The following IKBKB-DT variants were observed in gnomAD, a reference collection of about 807,000 sequenced individuals.
IKBKB-DT encodes the protein IKBKB divergent transcript.
intron 3 of IKBKB-DT, among the ~76,000 whole-genome samples, chr8:42,234,044 CA>C (rs1281608065): frequency 1.3e-5 from 2 of 152,214 alleles, no homozygotes; most frequent in Non-Finnish European, 2.9e-5. Flanking sequence ...GTCAGTCCTA[CA>C]AAGGCAATGT....
chr8:42,267,009 T>G lies in IKBKB-DT; in HGVS notation n.604-613A>C, dbSNP rs935091510. Among the ~76,000 whole-genome samples the G allele has an allele frequency of 2.7e-5, 4 of 147,412 alleles. No homozygotes were observed. In the East Asian group the frequency reaches 5.8e-4, roughly 21 times the overall value. The stretch of plus-strand genomic sequence containing the variant: ...TTTTTGTTTGTTTTTTTTTTGTTTT[T>G]TTTTTTTTTGAGGTGGAGTCTCGCT... On this transcript the variant is annotated intron_variant and non_coding_transcript_variant, in intron 1 of 3. Coordinates refer to ENST00000518213, the Ensembl canonical transcript of IKBKB-DT.
chr8:42,261,543 T>A lies in IKBKB-DT; in HGVS notation n.1529+1786A>T, dbSNP rs563694302. 3.5e-4 allele frequency among the ~76,000 whole-genome samples: 54 copies of A among 152,330 alleles called. 1 individual carries two copies. The South Asian group carries it at 0.011, about 30-fold the overall frequency. Reference sequence around the variant, plus strand: ...CTGTAGTTCAAGAATGCACAGCCAATCACCAATGTTATTCATAAAAATAAC... The same window carrying A: ...CTGTAGTTCAAGAATGCACAGCCAAACACCAATGTTATTCATAAAAATAAC... On this transcript the variant is annotated intron_variant and non_coding_transcript_variant, in intron 3 of 3. Coordinates refer to ENST00000518213, the Ensembl canonical transcript of IKBKB-DT.
exon 1 of IKBKB-DT, chr8:42,270,755 C>A (rs926168093): frequency 6.6e-6 from 1 of 152,576 alleles, no homozygotes; most frequent in African/African-American, 2.4e-5. Context: ...AGGCTGAGCG[C>A]CTCACGGTTT....
chr8:42,248,063 A>G (rs895567376), intron 3 of IKBKB-DT, among the ~76,000 whole-genome samples: 4 of 151,658 alleles, frequency 2.6e-5, no homozygotes, highest in Non-Finnish European at 5.9e-5. Flanking sequence ...GCTACACTCC[A>G]GCCTGGGCGA....
At chr8:42,264,139 A>G (rs1807335534) in intron 2 of IKBKB-DT, among the ~76,000 whole-genome samples, 1 of 150,264 alleles carries the variant, frequency 6.7e-6, no homozygotes, top group East Asian at 1.9e-4. Context: ...ATTTAAGTAT[A>G]CATAGATAAT....
intron 3 of IKBKB-DT, among the ~76,000 whole-genome samples, chr8:42,235,134 G>A (rs541729508): frequency 7.9e-5 from 10 of 127,130 alleles, no homozygotes; most frequent in African/African-American, 3.7e-4. Context: ...GCCTTTTGAT[G>A]TCAATTTTTT....
intron 3 of IKBKB-DT, chr8:42,249,417 A>ATGTGTGTGTGTGTGTGTGTG (rs35004589): frequency 2.3e-5 from 3 of 129,728 alleles, no homozygotes; most frequent in African/African-American, 1.1e-4. Flanking sequence ...ATGTATATAT[A>ATGTGTGTGTGTGTGTGTGTG]TGTGTGTGTG....
chr8:42,251,244 A>C (rs888241646), intron 3 of IKBKB-DT, among the ~76,000 whole-genome samples: 2 of 152,274 alleles, frequency 1.3e-5, no homozygotes, highest in Non-Finnish European at 2.9e-5. Context: ...GCGAGAGCAC[A>C]CTTGAACAAA....
At position 42,242,828 on chromosome 8, in the gene IKBKB-DT, G is replaced by A. The variant is rs572927872; in HGVS notation, n.1530-8969C>T. On this transcript the variant is annotated intron_variant and non_coding_transcript_variant, in intron 3 of 3. Coordinates refer to ENST00000518213, the Ensembl canonical transcript of IKBKB-DT. ...GGGACACTGGCTCTGGCCATACCCAGTGCGATTTCCACATGATGGCTGCAG... is the reference window on the plus strand; with the variant it reads ...GGGACACTGGCTCTGGCCATACCCAATGCGATTTCCACATGATGGCTGCAG... 4.6e-5 allele frequency among the ~76,000 whole-genome samples: 7 copies of A among 152,354 alleles called. No homozygotes were observed. In the East Asian group the frequency reaches 1.3e-3, roughly 29 times the overall value.
intron 3 of IKBKB-DT, among the ~76,000 whole-genome samples, chr8:42,243,275 C>T (rs867686253): frequency 6.6e-6 from 1 of 152,086 alleles, no homozygotes; most frequent in African/African-American, 2.4e-5. Flanking sequence ...GGTGGGTGAG[C>T]GTTCTGCTCT....
chr8:42,257,852 G>A (rs1807228266), intron 3 of IKBKB-DT, among the ~76,000 whole-genome samples: 1 of 151,642 alleles, frequency 6.6e-6, no homozygotes, highest in Non-Finnish European at 1.5e-5. Flanking sequence ...ACAGATCACT[G>A]TAAAACATTA....
At chr8:42,261,000 G>A (rs1351019248) in intron 3 of IKBKB-DT, among the ~76,000 whole-genome samples, 1 of 152,146 alleles carries the variant, frequency 6.6e-6, no homozygotes, top group African/African-American at 2.4e-5. Context: ...CCAAGAGCTG[G>A]CAGTGGTTGG....
intron 3 of IKBKB-DT, among the ~76,000 whole-genome samples, chr8:42,237,385 C>G (rs1041821931): frequency 3.9e-5 from 6 of 152,284 alleles, no homozygotes; most frequent in Non-Finnish European, 8.8e-5. Flanking sequence ...CATGCCCGGC[C>G]TAGTCTTATG....
At chr8:42,254,011 A>T (rs921571340) in intron 3 of IKBKB-DT, among the ~76,000 whole-genome samples, 1 of 152,256 alleles carries the variant, frequency 6.6e-6, no homozygotes, top group Non-Finnish European at 1.5e-5. Flanking sequence ...TTGGACCAGT[A>T]TAAGCATGCC....
At position 42,239,650 on chromosome 8, in the gene IKBKB-DT, A is replaced by AT. The variant is rs550862579; in HGVS notation, n.1530-5792dup. 1.1e-3 allele frequency among the ~76,000 whole-genome samples: 118 copies of AT among 110,746 alleles called. 1 individual carries two copies. The highest frequency in any genetic ancestry group is 4.6e-3 in the Middle Eastern group (1 of 216). The allele number at this position is 110,746 out of a possible 152,430, so 72.7% of individuals were successfully genotyped here. On this transcript the variant is annotated intron_variant and non_coding_transcript_variant, in intron 3 of 3. Coordinates refer to ENST00000518213, the Ensembl canonical transcript of IKBKB-DT. ...TATATATATATTTATTTATTTATTC[A>AT]TTTTTTTTTTTTGAGATGGAGTTTT...
At chr8:42,243,287 G>C (rs992334032) in intron 3 of IKBKB-DT, among the ~76,000 whole-genome samples, 1 of 152,202 alleles carries the variant, frequency 6.6e-6, no homozygotes, top group African/African-American at 2.4e-5. Flanking sequence ...TTCTGCTCTG[G>C]AGCATCTAAG....
chr8:42,270,074 A>G (rs1016951152), intron 1 of IKBKB-DT, among the ~76,000 whole-genome samples: 2 of 152,194 alleles, frequency 1.3e-5, no homozygotes, highest in African/African-American at 4.8e-5. Context: ...CTGGATTCAA[A>G]ATCCAGTTTG....
At chr8:42,269,787 G>T (rs1332798891) in intron 1 of IKBKB-DT, among the ~76,000 whole-genome samples, 1 of 152,032 alleles carries the variant, frequency 6.6e-6, no homozygotes, top group African/African-American at 2.4e-5. Flanking sequence ...GGGCTGTCAG[G>T]CACTGCTGCT....
rs866833254 is a variant in IKBKB-DT, at chr8:42,268,747, C to T, written n.603+1904G>A. ...ACGCCCAGCTAATTTTTGTATTTTT[C>T]GTAGAGACGTGGTTTCACCATGTTG... On this transcript the variant is annotated intron_variant and non_coding_transcript_variant, in intron 1 of 3. Transcript: ENST00000518213. Among the ~76,000 whole-genome samples the T allele has an allele frequency of 2.9e-4, 42 of 145,806 alleles. No homozygotes were observed. The Middle Eastern group carries it at 0.012, about 43-fold the overall frequency.
Sources: gnomAD v4.1 joint callset for allele counts (sites outside exome capture counted in the v4.1 genomes callset) on GRCh38, gnomAD v4.1.1 for gene constraint, MANE v1.5 for transcripts, NCBI Gene and HGNC (gene_info 2026-07-23, HGNC 2026-07-21) for gene names.